CDC42: variants seen among roughly 807,000 people sequenced by gnomAD.
The protein encoded by CDC42 is cell division control protein 42 homolog.
In CDC42, 1 loss-of-function variant was observed where a neutral mutation model predicts 20.8. That is an observed-to-expected ratio of 0.05 (90% CI 0.02 to 0.23). CDC42 has a LOEUF of 0.23. CDC42 is among the 10% of genes least tolerant of loss of function. The probability of loss-of-function intolerance (pLI) is 1.00; values close to 1 mark genes in which losing one functional copy is unlikely to be tolerated. For synonymous variants in CDC42, 72 were observed against 84.8 expected (o/e 0.85, Z 0.83); for missense variants, 49 against 227.9 (o/e 0.21, Z 5.05).
Position 22,094,301 on chromosome 1 carries a change from T to A in CDC42, c.*2784T>A, listed in dbSNP as rs1348383717. Among the ~76,000 whole-genome samples the A allele has an allele frequency of 2.2e-5, 1 of 44,508 alleles. No individual in the cohort carries two copies. Among genetic ancestry groups the A allele is most frequent in the Non-Finnish European group, 4.2e-5 (1 of 23,562 alleles). The allele number at this position is 44,508 out of a possible 152,430, so 29.2% of individuals were successfully genotyped here. On this transcript the variant is annotated 3_prime_UTR_variant, in exon 6 of 6. Transcript: ENST00000656825. Reference sequence around the variant, plus strand: ...TGAACATCCTAGAAATAGATTTTTTTTTTTTTTTTTTTTTGAGACGGAGTC... The same window carrying A: ...TGAACATCCTAGAAATAGATTTTTTATTTTTTTTTTTTTTGAGACGGAGTC...
rs141167382 is a variant in CDC42 at position 22,100,638 on chromosome 1, C to T, written c.*9121C>T. On this transcript the variant is annotated 3_prime_UTR_variant, in exon 6 of 6. Coordinates refer to ENST00000656825, the MANE Select transcript of CDC42 (RefSeq NM_001791.4). The stretch of plus-strand genomic sequence containing the variant: ...GAATGGGGTAGATAGCAGCTGTCTT[C>T]ATCACTGTCATCATTGTTGGCTCAC... The T allele has an allele frequency of 2.2e-4, 34 of 152,370 alleles. No homozygotes were observed. Among genetic ancestry groups the T allele is most frequent in the African/African-American group, 8.2e-4 (34 of 41,574 alleles). 9.4% of individuals were successfully genotyped at this position (152,370 alleles called of 1,614,324 possible).
In CDC42 at chr1:22,091,580, A is replaced by G; in HGVS notation, c.*63A>G. ...GCATCATACTAAAAGCAATGTTTAA[A>G]TCAAACTAAAGATTAAAAATTAAAA... is the stretch of plus-strand genomic sequence containing the variant. On this transcript the variant is annotated 3_prime_UTR_variant, in exon 6 of 6. Coordinates refer to ENST00000656825, the MANE Select transcript of CDC42 (RefSeq NM_001791.4). 8.7e-7 allele frequency: 1 copy of G among 1,154,914 alleles called. No individual in the cohort carries two copies. Among genetic ancestry groups the G allele is most frequent in the Non-Finnish European group, 1.3e-6 (1 of 784,468 alleles). 71.5% of individuals were successfully genotyped at this position (1,154,914 alleles called of 1,614,324 possible).
Position 22,078,558 on chromosome 1 carries a change from A to G in CDC42, c.80A>G (p.Lys27Arg). The G allele has an allele frequency of 6.2e-7, 1 of 1,613,040 alleles. No homozygotes were observed. Among genetic ancestry groups the G allele is most frequent in the Non-Finnish European group, 8.5e-7 (1 of 1,179,214 alleles). The part of the protein sequence containing the change: ...TCLLISYTTN[K>R]FPSEYVPTVF... ...CTCCTGATATCCTACACAACAAACAAATTTCCATCGGAATATGTACCGACT... is the reference window on the plus strand; with the variant it reads ...CTCCTGATATCCTACACAACAAACAGATTTCCATCGGAATATGTACCGACT... Residue 27 changes from lysine to arginine, a missense_variant, in exon 2 of 6, where the codon AAA becomes AGA. Around this residue, in one of 2 missense-constraint regions of CDC42, gnomAD observed 11 missense variants for 121.3 expected, o/e 0.09. Coordinates refer to ENST00000656825, the MANE Select transcript of CDC42 (RefSeq NM_001791.4).
chr1:22,069,535 G>A (rs1266879240), intron 1 of CDC42, among the ~76,000 whole-genome samples: 3 of 147,846 alleles, frequency 2.0e-5, no homozygotes, highest in Non-Finnish European at 4.5e-5. Flanking sequence ...ACAGCTCACT[G>A]TAGCCTTGAC....
At position 22,100,737 on chromosome 1, in the gene CDC42, A is replaced by G. The variant is rs1557914121; in HGVS notation, c.*9220A>G. The G allele has an allele frequency of 1.3e-5, 2 of 152,190 alleles. No homozygotes were observed. Among genetic ancestry groups the G allele is most frequent in the Non-Finnish European group, 2.9e-5 (2 of 68,024 alleles). The allele number at this position is 152,190 out of a possible 1,614,324, so 9.4% of individuals were successfully genotyped here. On this transcript the variant is annotated 3_prime_UTR_variant, in exon 6 of 6. Transcript: ENST00000656825. ...TGTATCAGTGAGGGGCTTCCTCCTCATACTCATTGCCAGGAGTAGAGTAAG... is the reference window on the plus strand; with the variant it reads ...TGTATCAGTGAGGGGCTTCCTCCTCGTACTCATTGCCAGGAGTAGAGTAAG...
At chr1:22,081,634 A>G (rs974926129) in intron 2 of CDC42, 88 bp from the exon 3 acceptor site, 3 of 802,292 alleles carry the variant, frequency 3.7e-6, no homozygotes, top group Non-Finnish European at 4.2e-6. Context: ...AGTCTTAGCA[A>G]GGAAACACTG....
chr1:22,082,957 G>A (rs913648516), intron 3 of CDC42, among the ~76,000 whole-genome samples: 9 of 146,156 alleles, frequency 6.2e-5, no homozygotes, highest in Non-Finnish European at 1.3e-4. Flanking sequence ...TCGGCTCACC[G>A]CAACCTCCGC....
chr1:22,086,522 T>G lies in CDC42; in HGVS notation c.262T>G (p.Ser88Ala). The change falls in exon 4 of 6, where the codon TCT becomes GCT. Residue 88 changes from serine to alanine, a missense_variant. Ser to Ala is a moderately conservative substitution (Grantham distance 99). Coordinates refer to ENST00000656825, the MANE Select transcript of CDC42 (RefSeq NM_001791.4). ...AGTCTGTTTTTCAGTGGTCTCTCCA[T>G]CTTCATTTGAAAACGTGAAAGAAAA... The part of the protein sequence containing the change: ...FLVCFSVVSP[S>A]SFENVKEKWV... 1 of 1,609,928 alleles carries G rather than the reference T, an allele frequency of 6.2e-7. No individual in the cohort carries two copies. Among genetic ancestry groups the G allele is most frequent in the Non-Finnish European group, 8.5e-7 (1 of 1,176,638 alleles).
chr1:22,058,453 G>C (rs1428627836), intron 1 of CDC42, among the ~76,000 whole-genome samples: 3 of 151,468 alleles, frequency 2.0e-5, no homozygotes, highest in Non-Finnish European at 4.4e-5. Context: ...CCTCATGTCT[G>C]CCCATTATCA....
At position 22,086,820 on chromosome 1, in the gene CDC42, G is replaced by A. The variant is rs1449280793; in HGVS notation, c.440G>A (p.Arg147His). The A allele has an allele frequency of 1.9e-6, 3 of 1,613,992 alleles. No individual in the cohort carries two copies. Among genetic ancestry groups the A allele is most frequent in the Admixed American group, 1.7e-5 (1 of 60,014 alleles). Residue 147 changes from arginine to histidine, a missense_variant, in exon 5 of 6, where the codon CGT becomes CAT. Arg to His is a conservative substitution (Grantham distance 29). Coordinates refer to ENST00000656825, the MANE Select transcript of CDC42 (RefSeq NM_001791.4). ...CCAGAGACTGCTGAAAAGCTGGCCC[G>A]TGACCTGAAGGCTGTCAAGTATGTG... ...ITPETAEKLA[R>H]DLKAVKYVEC...
intron 1 of CDC42, among the ~76,000 whole-genome samples, chr1:22,067,285 G>T (rs534366576): frequency 1.3e-5 from 2 of 152,076 alleles, no homozygotes; most frequent in Non-Finnish European, 2.9e-5. Context: ...TTGATGTTTG[G>T]TGAGGGCCTG....
intron 1 of CDC42, among the ~76,000 whole-genome samples, chr1:22,070,390 T>C (rs577197883): frequency 6.6e-6 from 1 of 151,762 alleles, no homozygotes; most frequent in East Asian, 1.9e-4. Context: ...TTTACCTTTC[T>C]CAGCATTCCA....
chr1:22,054,120 T>C (rs574544375), intron 1 of CDC42, among the ~76,000 whole-genome samples: 1 of 152,184 alleles, frequency 6.6e-6, no homozygotes, highest in South Asian at 2.1e-4. Flanking sequence ...TGCTAGACAT[T>C]TTAGTTTTGT....
chr1:22,087,688 A>G (rs1645674673), intron 5 of CDC42, among the ~76,000 whole-genome samples: 2 of 152,230 alleles, frequency 1.3e-5, no homozygotes, highest in South Asian at 2.1e-4. Context: ...CTGAGCAGAC[A>G]TGCCTAATAG....
intron 1 of CDC42, among the ~76,000 whole-genome samples, chr1:22,074,499 A>G (rs11582456): frequency 0.018 from 2,750 of 152,276 alleles, 47 homozygotes; most frequent in Non-Finnish European, 0.024. Flanking sequence ...TGACTTATAT[A>G]TATTGTAAAA....
rs1645775562 is a variant in CDC42, at chr1:22,099,290, T to G, written c.*7773T>G. On this transcript the variant is annotated 3_prime_UTR_variant, in exon 6 of 6. Coordinates refer to ENST00000656825, the MANE Select transcript of CDC42 (RefSeq NM_001791.4). ...GAAATGGGGACATATTCTGGCGAAA[T>G]AACAGCTTTGTTAATTGAGCTCTTA... 6.6e-6 allele frequency among the ~76,000 whole-genome samples: 1 copy of G among 152,244 alleles called. No homozygotes were observed. The highest frequency in any genetic ancestry group is 1.5e-5 in the Non-Finnish European group (1 of 68,038).
chr1:22,072,929 T>C (rs1305703631), intron 1 of CDC42, among the ~76,000 whole-genome samples: 3 of 152,210 alleles, frequency 2.0e-5, no homozygotes, highest in South Asian at 4.1e-4. Context: ...TGTAATCTTA[T>C]TGAGAATATA....
chr1:22,087,519 G>A (rs1227823683), intron 5 of CDC42, among the ~76,000 whole-genome samples: 1 of 152,148 alleles, frequency 6.6e-6, no homozygotes, highest in Non-Finnish European at 1.5e-5. Context: ...ATTTGGAATG[G>A]GACTTGTAAC....
At chr1:22,090,370 C>A in intron 5 of CDC42, 4 of 1,028,510 alleles carry the variant, frequency 3.9e-6, no homozygotes, top group Non-Finnish European at 4.7e-6. Context: ...ACTTCTAGAT[C>A]TTAGTTCTAG....
Sources: allele counts gnomAD v4.1 joint callset (sites outside exome capture counted in the v4.1 genomes callset), GRCh38; gene constraint gnomAD v4.1.1; regional missense constraint gnomAD v4.1.1; transcripts MANE v1.5; gene names NCBI Gene and HGNC (gene_info 2026-07-23, HGNC 2026-07-21).